GPR176: variants seen among roughly 807,000 people sequenced by gnomAD.
GPR176 encodes the protein G protein-coupled receptor 176.
A neutral mutation model predicts 35.4 loss-of-function variants in GPR176; 26 were observed. The observed-to-expected ratio is 0.74, with a 90% CI of 0.54 to 1.02. GPR176 has a LOEUF of 1.02. Among genes scored for constraint, GPR176 ranks in the 50% least tolerant of loss-of-function variants. The probability of loss-of-function intolerance (pLI) is 0.00; values close to 1 mark genes in which losing one functional copy is unlikely to be tolerated. For synonymous variants in GPR176, 278 were observed against 271.3 expected (o/e 1.02, Z -0.24); for missense variants, 597 against 665.3 (o/e 0.90, Z 1.13).
In GPR176 at chr15:39,799,780, A is replaced by G. The variant is rs1898743043; in HGVS notation, c.*1352T>C. 1 of 152,240 alleles carries G rather than the reference A, an allele frequency of 6.6e-6. No individual in the cohort carries two copies. The highest frequency in any genetic ancestry group is 1.5e-5 in the Non-Finnish European group (1 of 68,082). 9.4% of individuals were successfully genotyped at this position (152,240 alleles called of 1,614,324 possible). Reference sequence around the variant, plus strand: ...AAGTATTATCTGCGGTTCTAATTCAACCTGGTGAAATCCACCCCAGAGGGG... The same window carrying G: ...AAGTATTATCTGCGGTTCTAATTCAGCCTGGTGAAATCCACCCCAGAGGGG... On this transcript the variant is annotated 3_prime_UTR_variant, in exon 3 of 3. Coordinates refer to ENST00000561100, the MANE Select transcript of GPR176 (RefSeq NM_007223.3).
chr15:39,850,411 T>G lies in GPR176; in HGVS notation c.173-43153A>C, dbSNP rs544109273. 7.2e-5 allele frequency among the ~76,000 whole-genome samples: 11 copies of G among 152,284 alleles called. No individual in the cohort carries two copies. In the South Asian group the frequency reaches 2.3e-3, roughly 32 times the overall value. On this transcript the variant is annotated intron_variant, in intron 1 of 2. Coordinates refer to ENST00000561100, the MANE Select transcript of GPR176 (RefSeq NM_007223.3). ...GCTTTCTCCCCAGGACTGGGAACAA[T>G]TCAAGGATATCCATTACCAATACCC...
intron 1 of GPR176, among the ~76,000 whole-genome samples, chr15:39,840,208 A>C (rs1043913542): frequency 6.6e-6 from 1 of 152,204 alleles, no homozygotes; most frequent in Non-Finnish European, 1.5e-5. Flanking sequence ...CACTATTCAC[A>C]ATGCCAAAGA....
intron 1 of GPR176, among the ~76,000 whole-genome samples, chr15:39,894,895 G>A (rs1364502132): frequency 6.6e-6 from 1 of 152,190 alleles, no homozygotes; most frequent in Non-Finnish European, 1.5e-5. Context: ...GGAGGTGGAG[G>A]TTGTAGCGAG....
chr15:39,894,850 A>G (rs566967746), intron 1 of GPR176, among the ~76,000 whole-genome samples: 1 of 152,216 alleles, frequency 6.6e-6, no homozygotes, highest in Admixed American at 6.5e-5. Flanking sequence ...TCTTTCTGCA[A>G]TCTCGGCACT....
At chr15:39,874,186 C>T (rs1021477313) in intron 1 of GPR176, among the ~76,000 whole-genome samples, 15 of 152,244 alleles carry the variant, frequency 9.9e-5, no homozygotes, top group Admixed American at 7.8e-4. Context: ...ATTGATCTTC[C>T]TTAGATTTGG....
intron 1 of GPR176, among the ~76,000 whole-genome samples, chr15:39,901,439 A>C (rs551400305): frequency 1.3e-5 from 2 of 152,256 alleles, no homozygotes; most frequent in Non-Finnish European, 2.9e-5. Flanking sequence ...TCAGCCCTTA[A>C]GCAACACTAG....
intron 1 of GPR176, among the ~76,000 whole-genome samples, chr15:39,863,336 T>A (rs2031688941): frequency 1.3e-5 from 2 of 151,448 alleles, no homozygotes; most frequent in South Asian, 4.1e-4. Context: ...TAACAAAAAG[T>A]TTAAAAGTTT....
chr15:39,878,135 T>TGTGTGTG (rs1555408567), intron 1 of GPR176, among the ~76,000 whole-genome samples: 32 of 148,802 alleles, frequency 2.2e-4, no homozygotes, highest in South Asian at 8.6e-4. Context: ...TGTGTGTGTG[T>TGTGTGTG]TGAGAACATT....
chr15:39,844,476 C>A (rs1411336111), intron 1 of GPR176, among the ~76,000 whole-genome samples: 1 of 152,032 alleles, frequency 6.6e-6, no homozygotes, highest in East Asian at 1.9e-4. Context: ...ATGGTTCTCA[C>A]CACAGTCACA....
chr15:39,807,569 T>G, intron 1 of GPR176: 1 of 1,511,694 alleles, frequency 6.6e-7, no homozygotes, highest in Non-Finnish European at 8.9e-7. Context: ...AGTTATTACT[T>G]AATCCCAGGC....
At chr15:39,824,251 C>G (rs1050418785) in intron 1 of GPR176, among the ~76,000 whole-genome samples, 1 of 152,328 alleles carries the variant, frequency 6.6e-6, no homozygotes, top group Non-Finnish European at 1.5e-5. Flanking sequence ...TCATGTATAG[C>G]CTGCAGAACT....
intron 1 of GPR176, among the ~76,000 whole-genome samples, chr15:39,842,238 G>A (rs117900060): frequency 6.6e-6 from 1 of 152,228 alleles, no homozygotes; most frequent in East Asian, 1.9e-4. Context: ...AAGCACGACA[G>A]AAGGCAAAGG....
intron 1 of GPR176, among the ~76,000 whole-genome samples, chr15:39,848,117 C>T (rs926685652): frequency 6.6e-6 from 1 of 152,142 alleles, no homozygotes; most frequent in African/African-American, 2.4e-5. Flanking sequence ...TCACCTCCCA[C>T]CAGGCCCCTC....
rs188528135 is a variant in GPR176 at position 39,836,371 on chromosome 15, G to C, written c.173-29113C>G. The stretch of plus-strand genomic sequence containing the variant: ...ATATGATATCTGGTTGCTTAAAAGA[G>C]CCTAGCACCTCTGCCTCTCTCTCCT... On this transcript the variant is annotated intron_variant, in intron 1 of 2. Coordinates refer to ENST00000561100, the MANE Select transcript of GPR176 (RefSeq NM_007223.3). 1.8e-4 allele frequency among the ~76,000 whole-genome samples: 27 copies of C among 152,166 alleles called. 1 individual carries two copies. The highest frequency in any genetic ancestry group is 9.2e-4 in the Admixed American group (14 of 15,278).
At chr15:39,849,643 GA>G (rs1447887761) in intron 1 of GPR176, among the ~76,000 whole-genome samples, 1 of 152,054 alleles carries the variant, frequency 6.6e-6, no homozygotes, top group Non-Finnish European at 1.5e-5. Flanking sequence ...CACTAAAGAA[GA>G]AAATCACAAT....
At chr15:39,815,559 G>T (rs1216188134) in intron 1 of GPR176, 1 of 152,230 alleles carries the variant, frequency 6.6e-6, no homozygotes, top group Non-Finnish European at 1.5e-5. Flanking sequence ...GAACCACTGT[G>T]AGGCCTGCTT....
intron 1 of GPR176, among the ~76,000 whole-genome samples, chr15:39,810,401 A>C (rs2140790578): frequency 6.6e-6 from 1 of 152,326 alleles, no homozygotes; most frequent in Admixed American, 6.5e-5. Flanking sequence ...CCTTTTTCCA[A>C]CTAAATTTTG....
At chr15:39,919,772 G>A in intron 1 of GPR176, 83 bp downstream of exon 1, 1 of 1,143,386 alleles carries the variant, frequency 8.7e-7, no homozygotes, top group South Asian at 2.3e-5. Flanking sequence ...GAAACCCACG[G>A]CGGCTGGGCG....
chr15:39,799,942 T>A lies in GPR176; in HGVS notation c.*1190A>T, dbSNP rs1361547974. 1 of 152,208 alleles carries A rather than the reference T, an allele frequency of 6.6e-6. No homozygotes were observed. The highest frequency in any genetic ancestry group is 1.5e-5 in the Non-Finnish European group (1 of 68,058). The allele number at this position is 152,208 out of a possible 1,614,324, so 9.4% of individuals were successfully genotyped here. On this transcript the variant is annotated 3_prime_UTR_variant, in exon 3 of 3. Coordinates refer to ENST00000561100, the MANE Select transcript of GPR176 (RefSeq NM_007223.3). ...TGTTGCCTTGGCACTCTACAATGAT[T>A]ATTTCTCCCTGTTCTGTTCCTCCTC...
Sources: gnomAD v4.1 joint callset for allele counts (sites outside exome capture counted in the v4.1 genomes callset) on GRCh38, gnomAD v4.1.1 for gene constraint, MANE v1.5 for transcripts, NCBI Gene and HGNC (gene_info 2026-07-23, HGNC 2026-07-21) for gene names.